EMP2: variants seen among roughly 807,000 people sequenced by gnomAD.
EMP2 encodes the protein epithelial membrane protein 2.
In EMP2, 19 loss-of-function variants were observed where a neutral mutation model predicts 13.7. The ratio of observed to expected loss-of-function variants is 1.38; its 90% CI spans 0.97 to 2.03. The LOEUF (loss-of-function observed/expected upper bound fraction) is 2.03. Ranked by LOEUF, EMP2 falls within the 30% of genes most tolerant of loss-of-function variation. The probability of loss-of-function intolerance (pLI) is 0.00; values close to 1 mark genes in which losing one functional copy is unlikely to be tolerated. For missense variants in EMP2, 253 were observed against 220.7 expected (o/e 1.15, Z -0.93); for synonymous variants, 97 against 84.7 (o/e 1.15, Z -0.80).
rs569446031 is a variant in EMP2, at chr16:10,547,500, G to T, written c.78+40C>A. On this transcript the variant is annotated intron_variant, in intron 2 of 4. Transcript: ENST00000359543. ...TACAACCCACTTCTATTGACTGCAG[G>T]ACCCAGGTTTCTGCGTGAGTGGCAG... is the stretch of plus-strand genomic sequence containing the variant. 2.5e-6 allele frequency: 4 copies of T among 1,604,104 alleles called. No individual in the cohort carries two copies. The African/African-American group carries it at 5.3e-5, about 21-fold the overall frequency.
At chr16:10,566,067 G>A (rs553890397) in intron 1 of EMP2, among the ~76,000 whole-genome samples, 6 of 152,300 alleles carry the variant, frequency 3.9e-5, no homozygotes, top group African/African-American at 1.4e-4. Flanking sequence ...CTAGCATCCA[G>A]TTTCCATCTG....
Position 10,532,758 on chromosome 16 carries a change from C to CTTTTTGTTTTTT in EMP2, c.*146_*147insAAAAAACAAAAA, listed in dbSNP as rs1567199104. 1 of 182,528 alleles carries CTTTTTGTTTTTT rather than the reference C, an allele frequency of 5.5e-6. No homozygotes were observed. The highest frequency in any genetic ancestry group is 8.3e-6 in the Non-Finnish European group (1 of 120,330). The allele number at this position is 182,528 out of a possible 1,614,324, so 11.3% of individuals were successfully genotyped here. A position where few individuals can be genotyped will look rare whatever the true frequency, so the allele number is the denominator to read the frequency against. ...CTTTTGGATTTTTTTTTTCTTTTTT[C>CTTTTTGTTTTTT]TTTTTTTTTTTTTTTTTTTTTTTTT... On this transcript the variant is annotated 3_prime_UTR_variant, in exon 5 of 5. Transcript: ENST00000359543.
At chr16:10,558,031 GTT>G (rs558044947) in intron 1 of EMP2, among the ~76,000 whole-genome samples, 4 of 139,524 alleles carry the variant, frequency 2.9e-5, no homozygotes, top group Admixed American at 7.2e-5. Flanking sequence ...TGAGTTTCAA[GTT>G]TTTTTTTTTT....
At chr16:10,539,657 C>T (rs987850777) in intron 3 of EMP2, among the ~76,000 whole-genome samples, 1 of 152,048 alleles carries the variant, frequency 6.6e-6, no homozygotes, top group Non-Finnish European at 1.5e-5. Flanking sequence ...ATTGTCAAAA[C>T]CCACCAAACT....
At chr16:10,569,734 C>T (rs769229477) in intron 1 of EMP2, among the ~76,000 whole-genome samples, 45 of 152,206 alleles carry the variant, frequency 3.0e-4, no homozygotes, top group Non-Finnish European at 4.7e-4. Context: ...TTTAACATCG[C>T]CTGTATGCTA....
chr16:10,572,723 C>A (rs1007491894), intron 1 of EMP2, among the ~76,000 whole-genome samples: 1 of 152,210 alleles, frequency 6.6e-6, no homozygotes, highest in Non-Finnish European at 1.5e-5. Context: ...CTCCACATGT[C>A]TGTACACAGC....
Position 10,530,624 on chromosome 16 carries a change from C to T in EMP2, c.*2281G>A, listed in dbSNP as rs1004103479. 6 of 152,602 alleles carry T rather than the reference C, an allele frequency of 3.9e-5. No individual in the cohort carries two copies. Among genetic ancestry groups the T allele is most frequent in the African/African-American group, 1.4e-4 (6 of 41,428 alleles). The allele number at this position is 152,602 out of a possible 1,614,324, so 9.5% of individuals were successfully genotyped here. A position where few individuals can be genotyped will look rare whatever the true frequency, so the allele number is the denominator to read the frequency against. On this transcript the variant is annotated 3_prime_UTR_variant, in exon 5 of 5. Transcript: ENST00000359543. ...TGCCACACAGCATCATGCTTTGATC[C>T]TGAAGGACAAGGCCCCAAAAGCCCT...
chr16:10,559,934 C>A (rs1433786378), intron 1 of EMP2, among the ~76,000 whole-genome samples: 1 of 152,192 alleles, frequency 6.6e-6, no homozygotes, highest in African/African-American at 2.4e-5. Context: ...CTCAGCCTCC[C>A]AAAGTCCTGG....
intron 1 of EMP2, among the ~76,000 whole-genome samples, chr16:10,551,762 T>C (rs2050789994): frequency 6.6e-6 from 1 of 152,172 alleles, no homozygotes. Context: ...CCCCCTCCTC[T>C]AGTGGACATG....
intron 1 of EMP2, among the ~76,000 whole-genome samples, chr16:10,551,161 C>T (rs545686524): frequency 2.0e-5 from 3 of 152,222 alleles, no homozygotes; most frequent in African/African-American, 7.2e-5. Context: ...TCCCTTCCCC[C>T]AACCCCCAGC....
intron 1 of EMP2, among the ~76,000 whole-genome samples, chr16:10,554,932 G>C (rs1284118557): frequency 6.6e-6 from 1 of 152,024 alleles, no homozygotes; most frequent in Non-Finnish European, 1.5e-5. Context: ...CATCCCCCTA[G>C]TTTATTTTCT....
chr16:10,538,114 G>A, intron 3 of EMP2, 40 bp from the exon 4 acceptor site: 1 of 1,606,842 alleles, frequency 6.2e-7, no homozygotes, highest in Non-Finnish European at 8.5e-7. Flanking sequence ...GAGGACCTTG[G>A]CCAGCCGGCA....
intron 1 of EMP2, among the ~76,000 whole-genome samples, chr16:10,568,885 C>T (rs954673378): frequency 1.4e-5 from 2 of 139,272 alleles, no homozygotes; most frequent in African/African-American, 2.7e-5. Context: ...CTCCCGGGTT[C>T]AAGCAATTCT....
intron 1 of EMP2, among the ~76,000 whole-genome samples, chr16:10,562,366 CTCTCTCTCTCTCTCTA>C (rs1338530049): frequency 2.0e-5 from 3 of 150,544 alleles, no homozygotes; most frequent in African/African-American, 4.9e-5. Flanking sequence ...CTCTCTCTCT[CTCTCTCTCTCTCTCTA>C]TCTATCTCTC....
chr16:10,579,708 G>GCACACACACACA (rs71133370), intron 1 of EMP2, among the ~76,000 whole-genome samples: 2,547 of 146,724 alleles, frequency 0.017, 61 homozygotes, highest in African/African-American at 0.057. Flanking sequence ...AGATCAAGGT[G>GCACACACACACA]CACACACACA....
chr16:10,559,503 T>C (rs1041870366), intron 1 of EMP2, among the ~76,000 whole-genome samples: 1 of 152,244 alleles, frequency 6.6e-6, no homozygotes, highest in African/African-American at 2.4e-5. Flanking sequence ...TCATTCTGTC[T>C]GTGCAGCCCT....
intron 1 of EMP2, among the ~76,000 whole-genome samples, chr16:10,552,881 A>C (rs371332249): frequency 3.8e-4 from 58 of 152,330 alleles, no homozygotes; most frequent in African/African-American, 1.2e-3. Flanking sequence ...ACAAGCTTCT[A>C]CAGAGAAAGG....
At chr16:10,542,996 C>T (rs184371715) in intron 3 of EMP2, among the ~76,000 whole-genome samples, 112 of 152,318 alleles carry the variant, frequency 7.4e-4, no homozygotes, top group African/African-American at 2.6e-3. Flanking sequence ...CAGGCGTGCA[C>T]CACCACGCCC....
Position 10,528,464 on chromosome 16 carries a change from A to C in EMP2, c.*4441T>G, listed in dbSNP as rs866874169. 19 of 152,222 alleles carry C rather than the reference A, an allele frequency of 1.2e-4. No homozygotes were observed. Among genetic ancestry groups the C allele is most frequent in the African/African-American group, 4.1e-4 (17 of 41,516 alleles). 9.4% of individuals were successfully genotyped at this position (152,222 alleles called of 1,614,324 possible). On this transcript the variant is annotated 3_prime_UTR_variant, in exon 5 of 5. Transcript: ENST00000359543. Reference sequence around the variant, plus strand: ...CATTTATCAGTTGCTTAGTGTAAAAACCATACATTATTATCTTGATGAGAA... The same window carrying C: ...CATTTATCAGTTGCTTAGTGTAAAACCCATACATTATTATCTTGATGAGAA...
Sources: gnomAD v4.1 joint callset for allele counts (sites outside exome capture counted in the v4.1 genomes callset) on GRCh38, gnomAD v4.1.1 for gene constraint, MANE v1.5 for transcripts, NCBI Gene and HGNC (gene_info 2026-07-23, HGNC 2026-07-21) for gene names.